KLHL32: variants seen among roughly 807,000 people sequenced by gnomAD.
KLHL32 encodes kelch-like protein 32.
A neutral mutation model predicts 64.8 loss-of-function variants in KLHL32; 35 were observed. The observed-to-expected ratio is 0.54, with a 90% CI of 0.41 to 0.72. The LOEUF is 0.72. Ranked by LOEUF, KLHL32 falls within the 30% of genes least tolerant of loss-of-function variation. KLHL32 has a pLI of 0.00. For synonymous variants in KLHL32, 259 were observed against 281.0 expected (o/e 0.92, Z 0.78); for missense variants, 589 against 768.5 (o/e 0.77, Z 2.76).
At chr6:97,065,019 C>T (rs1221710051) in intron 5 of KLHL32, among the ~76,000 whole-genome samples, 1 of 152,058 alleles carries the variant, frequency 6.6e-6, no homozygotes, top group Non-Finnish European at 1.5e-5. Flanking sequence ...CTGCAGGAGC[C>T]GGGGGAGGTG....
At chr6:97,057,716 A>C (rs1010618616) in intron 4 of KLHL32, among the ~76,000 whole-genome samples, 1 of 152,088 alleles carries the variant, frequency 6.6e-6, no homozygotes, top group Non-Finnish European at 1.5e-5. Context: ...CTAATAGTGT[A>C]TTTTGTGGAG....
At chr6:96,974,208 T>C (rs1775456285) in intron 2 of KLHL32, among the ~76,000 whole-genome samples, 1 of 152,214 alleles carries the variant, frequency 6.6e-6, no homozygotes, top group East Asian at 1.9e-4. Flanking sequence ...TCACTGAGAA[T>C]AGTTCATGGG....
chr6:97,075,704 C>T (rs532313448), intron 5 of KLHL32, among the ~76,000 whole-genome samples: 1 of 152,172 alleles, frequency 6.6e-6, no homozygotes, highest in South Asian at 2.1e-4. Flanking sequence ...GAGTACCAAC[C>T]TTTCCTGCAG....
the KLHL32 span, among the ~76,000 whole-genome samples, chr6:96,909,953 CAT>C: frequency 3.7e-4 from 56 of 152,320 alleles, 1 homozygote; most frequent in East Asian, 1.3e-3. Flanking sequence ...CTTTTCCACA[CAT>C]GTGACAGGTG....
intron 8 of KLHL32, 152 bp downstream of exon 8, chr6:97,127,614 G>A: frequency 1.5e-6 from 1 of 688,770 alleles, no homozygotes. Flanking sequence ...ACTGCTTTTT[G>A]GTTCCTTTTT....
intron 4 of KLHL32, among the ~76,000 whole-genome samples, chr6:97,056,078 TC>T (rs1787818594): frequency 6.8e-6 from 1 of 147,470 alleles, no homozygotes; most frequent in Non-Finnish European, 1.5e-5. Flanking sequence ...ATAGCCAGCC[TC>T]CCTTTTCTTT....
chr6:97,126,591 G>C (rs1430574940), intron 7 of KLHL32, among the ~76,000 whole-genome samples: 1 of 152,078 alleles, frequency 6.6e-6, no homozygotes, highest in East Asian at 1.9e-4. Context: ...TTGCACTGAA[G>C]AGCCCTAGAT....
At chr6:96,935,643 T>C (rs1359449863) in intron 1 of KLHL32, among the ~76,000 whole-genome samples, 1 of 152,140 alleles carries the variant, frequency 6.6e-6, no homozygotes, top group East Asian at 1.9e-4. Context: ...TTATAGGGAG[T>C]AATAGCCTTG....
At position 97,139,862 on chromosome 6, in the gene KLHL32, C is replaced by T. The variant is rs1448383856; in HGVS notation, c.*580C>T. Reference sequence around the variant, plus strand: ...TTGTTGAAATACCCAGATTTTTCACCTTGGTTACTCTGACCTTGGGTCAGA... The same window carrying T: ...TTGTTGAAATACCCAGATTTTTCACTTTGGTTACTCTGACCTTGGGTCAGA... On this transcript the variant is annotated 3_prime_UTR_variant, in exon 11 of 11. Coordinates refer to ENST00000369261, the MANE Select transcript of KLHL32 (RefSeq NM_052904.4). The T allele has an allele frequency of 6.6e-6, 1 of 152,128 alleles. No homozygotes were observed. The highest frequency in any genetic ancestry group is 2.4e-5 in the African/African-American group (1 of 41,444). 9.4% of individuals were successfully genotyped at this position (152,128 alleles called of 1,614,324 possible). A position where few individuals can be genotyped will look rare whatever the true frequency, so the allele number is the denominator to read the frequency against.
intron 1 of KLHL32, among the ~76,000 whole-genome samples, chr6:96,956,425 T>C (rs1331633089): frequency 1.3e-5 from 2 of 152,228 alleles, no homozygotes; most frequent in Non-Finnish European, 2.9e-5. Flanking sequence ...TCTTCTTACC[T>C]GTATACTATG....
At chr6:97,077,585 T>C (rs1791805520) in intron 5 of KLHL32, among the ~76,000 whole-genome samples, 1 of 152,184 alleles carries the variant, frequency 6.6e-6, no homozygotes, top group African/African-American at 2.4e-5. Flanking sequence ...CATTCCATTT[T>C]ATTTCCCAAT....
At chr6:97,010,711 T>C (rs1780299938) in intron 3 of KLHL32, among the ~76,000 whole-genome samples, 1 of 152,194 alleles carries the variant, frequency 6.6e-6, no homozygotes, top group South Asian at 2.1e-4. Flanking sequence ...ACCTCAAATC[T>C]TGCTACCTAG....
chr6:96,967,057 G>GA lies in KLHL32; in HGVS notation c.1dup. On this transcript the variant is annotated 5_prime_UTR_variant, in exon 2 of 11. Transcript: ENST00000369261. Reference sequence around the variant, plus strand: ...GCTGAGAACCTGAGGAACCCAGCTGGAAAATGCCGTCTGAACGCTGCCTCA... The same window carrying GA: ...GCTGAGAACCTGAGGAACCCAGCTGGAAAAATGCCGTCTGAACGCTGCCTCA... The GA allele has an allele frequency of 1.2e-6, 2 of 1,613,702 alleles. No homozygotes were observed. The highest frequency in any genetic ancestry group is 1.7e-6 in the Non-Finnish European group (2 of 1,179,814).
intron 1 of KLHL32, among the ~76,000 whole-genome samples, chr6:96,960,055 T>C (rs1773714385): frequency 6.6e-6 from 1 of 152,222 alleles, no homozygotes; most frequent in African/African-American, 2.4e-5. Flanking sequence ...AGTAAATTCC[T>C]TGACCTCATT....
intron 3 of KLHL32, among the ~76,000 whole-genome samples, chr6:96,986,318 C>T (rs1777057565): frequency 6.6e-6 from 1 of 152,148 alleles, no homozygotes; most frequent in Non-Finnish European, 1.5e-5. Flanking sequence ...ACTCAGGGGT[C>T]AGGGACCCAC....
intron 6 of KLHL32, among the ~76,000 whole-genome samples, chr6:97,089,993 A>G (rs920309100): frequency 2.0e-5 from 3 of 152,092 alleles, no homozygotes; most frequent in Non-Finnish European, 4.4e-5. Flanking sequence ...GTAATTGCAT[A>G]AACCCAAGTT....
chr6:96,938,912 G>A (rs904530880), intron 1 of KLHL32, among the ~76,000 whole-genome samples: 1 of 152,158 alleles, frequency 6.6e-6, no homozygotes, highest in African/African-American at 2.4e-5. Flanking sequence ...ATATTCTAAA[G>A]TGAACTGCAG....
At position 96,939,615 on chromosome 6, in the gene KLHL32, A is replaced by C. The variant is rs1771034363; in HGVS notation, c.-66+14589A>C. On this transcript the variant is annotated intron_variant, in intron 1 of 10. Transcript: ENST00000369261. ...TTGGAGAGTGTTTCAAGTAATGGGA[A>C]AAAATTCTAGGAGGAAACACAGTGT... Among the ~76,000 whole-genome samples the C allele has an allele frequency of 2.0e-5, 3 of 152,178 alleles. No individual in the cohort carries two copies. In the South Asian group the frequency reaches 6.2e-4, roughly 32 times the overall value.
At chr6:97,014,692 A>G (rs1185384834) in intron 3 of KLHL32, among the ~76,000 whole-genome samples, 1 of 152,206 alleles carries the variant, frequency 6.6e-6, no homozygotes, top group Non-Finnish European at 1.5e-5. Flanking sequence ...TGTTCATGAA[A>G]ACTGAGGCTT....
Sources: gnomAD v4.1 joint callset for allele counts (sites outside exome capture counted in the v4.1 genomes callset) on GRCh38, gnomAD v4.1.1 for gene constraint, MANE v1.5 for transcripts, NCBI Gene and HGNC (gene_info 2026-07-23, HGNC 2026-07-21) for gene names.